Variants in C1orf174 observed in about 807,000 individuals in gnomAD.
C1orf174 encodes the protein chromosome 1 open reading frame 174.
Under a neutral mutation model 18.4 loss-of-function variants are expected in C1orf174, and 13 were observed. The observed-to-expected ratio is 0.71, with a 90% CI of 0.46 to 1.12. The LOEUF is 1.12. Among genes scored for constraint, C1orf174 ranks in the 50% most tolerant of loss-of-function variants. The pLI, the probability that C1orf174 is intolerant of heterozygous loss-of-function variation, is 0.00. For missense variants in C1orf174, 309 were observed against 308.0 expected, an observed-to-expected ratio of 1.00 and a Z score of -0.02; for synonymous variants, 100 against 118.3, an observed-to-expected ratio of 0.85 and a Z score of 1.01.
rs558252738 is a variant in C1orf174, at chr1:3,898,741, G to A, written c.15+1431C>T. ...AAAAAGCAATTGTATACAGTAATATGTGTATAATATATACAGACATGTACT... is the reference window on the plus strand; with the variant it reads ...AAAAAGCAATTGTATACAGTAATATATGTATAATATATACAGACATGTACT... On this transcript the variant is annotated intron_variant, in intron 1 of 3. Transcript: ENST00000361605. 5.9e-5 allele frequency among the ~76,000 whole-genome samples: 9 copies of A among 152,234 alleles called. No individual in the cohort carries two copies. In the South Asian group the frequency reaches 1.0e-3, roughly 18 times the overall value.
intron 1 of C1orf174, among the ~76,000 whole-genome samples, chr1:3,897,554 C>T (rs1264353675): frequency 6.6e-6 from 1 of 152,110 alleles, no homozygotes; most frequent in Non-Finnish European, 1.5e-5. Flanking sequence ...CACTAACATA[C>T]ACAAAATAAG....
At chr1:3,891,204 C>T in intron 2 of C1orf174, 147 bp from the exon 3 acceptor site, 2 of 1,025,974 alleles carry the variant, frequency 1.9e-6, no homozygotes, top group Non-Finnish European at 2.8e-6. Flanking sequence ...ACTGTTTTGC[C>T]ACCAAGGGAC....
chr1:3,891,582 C>A (rs1638515816), intron 2 of C1orf174: 23 of 987,968 alleles, frequency 2.3e-5, no homozygotes, highest in Non-Finnish European at 2.5e-5. Flanking sequence ...ATGGCCAAGT[C>A]CTAACCCCTC....
intron 1 of C1orf174, among the ~76,000 whole-genome samples, chr1:3,896,557 A>G (rs1459001095): frequency 1.3e-5 from 2 of 152,252 alleles, no homozygotes; most frequent in African/African-American, 2.4e-5. Flanking sequence ...ATTCCCTGCC[A>G]TGGAATGTGG....
At chr1:3,896,554 G>A (rs962392310) in intron 1 of C1orf174, among the ~76,000 whole-genome samples, 2 of 152,204 alleles carry the variant, frequency 1.3e-5, no homozygotes, top group African/African-American at 2.4e-5. Flanking sequence ...CAAATTCCCT[G>A]CCATGGAATG....
chr1:3,894,571 C>T (rs1638571843), intron 1 of C1orf174, among the ~76,000 whole-genome samples: 1 of 145,018 alleles, frequency 6.9e-6, no homozygotes, highest in African/African-American at 2.6e-5. Context: ...TGCGCCACCG[C>T]ACTCCAGCCT....
chr1:3,889,780 T>C lies in C1orf174; in HGVS notation c.*180A>G. On this transcript the variant is annotated 3_prime_UTR_variant, in exon 4 of 4. Coordinates refer to ENST00000361605, the MANE Select transcript of C1orf174 (RefSeq NM_207356.3). ...ACCTCAAAGATGGTTTGAGTTTTAG[T>C]TCCCATGAGTACATCCTCCACAGGT... The C allele has an allele frequency of 1.5e-6, 1 of 645,492 alleles. No homozygotes were observed. The highest frequency in any genetic ancestry group is 2.8e-6 in the Non-Finnish European group (1 of 360,338). The allele number at this position is 645,492 out of a possible 1,614,324, so 40.0% of individuals were successfully genotyped here. A position where few individuals can be genotyped will look rare whatever the true frequency, so the allele number is the denominator to read the frequency against.
Position 3,890,643 on chromosome 1 carries a change from T to C in C1orf174, c.544A>G (p.Ser182Gly), listed in dbSNP as rs1055842545. ...VQKPPLQMDN[S>G]VFLDDDSNQP... ...TTGCTGTCGTCATCTAGAAAGACGC[T>C]GTTGTCCATCTGAAGTGGTGGCTTC... Residue 182 changes from serine to glycine, a missense_variant, in exon 3 of 4, where the codon AGC (serine) becomes GGC (glycine). Physicochemically the swap from Ser to Gly is moderately conservative, Grantham distance 56 (BLOSUM62 0). Transcript: ENST00000361605. The C allele has an allele frequency of 1.7e-5, 27 of 1,614,060 alleles. No individual in the cohort carries two copies. Among genetic ancestry groups the C allele is most frequent in the Non-Finnish European group, 2.3e-5 (27 of 1,180,012 alleles).
Position 3,892,998 on chromosome 1 carries a change from TAG to T in C1orf174, c.16-4_16-3del, listed in dbSNP as rs767343362. 15 of 1,613,520 alleles carry T rather than the reference TAG, an allele frequency of 9.3e-6. No homozygotes were observed. The highest frequency in any genetic ancestry group is 3.3e-4 in the Middle Eastern group (2 of 6,082). ...TGAAGACCGCACTGCACCTGTGAGC[TAG>T]AGAGATTGAGAGCCACTCAGAGAGT... is the stretch of plus-strand genomic sequence containing the variant. On this transcript the variant is annotated splice_region_variant and splice_polypyrimidine_tract_variant and intron_variant, in intron 1 of 3. Coordinates refer to ENST00000361605, the MANE Select transcript of C1orf174 (RefSeq NM_207356.3).
At chr1:3,891,808 C>T (rs1638522018) in intron 2 of C1orf174, 1 of 986,310 alleles carries the variant, frequency 1.0e-6, no homozygotes, top group Non-Finnish European at 1.2e-6. Context: ...GCACAAGTGG[C>T]CTCAGAGCCT....
intron 1 of C1orf174, among the ~76,000 whole-genome samples, chr1:3,896,424 C>G (rs1434385293): frequency 1.3e-5 from 2 of 152,236 alleles, no homozygotes; most frequent in Non-Finnish European, 2.9e-5. Context: ...CTAGCTCCCC[C>G]AGCCCCTATT....
intron 1 of C1orf174, among the ~76,000 whole-genome samples, chr1:3,899,633 C>A (rs928263563): frequency 5.9e-5 from 9 of 152,238 alleles, no homozygotes; most frequent in African/African-American, 1.9e-4. Context: ...TTGAGGGGCA[C>A]AAACTCAGCT....
At position 3,889,775 on chromosome 1, in the gene C1orf174, T is replaced by TTTAG. The variant is rs1419178762; in HGVS notation, c.*181_*184dup. On this transcript the variant is annotated 3_prime_UTR_variant, in exon 4 of 4. Coordinates refer to ENST00000361605, the MANE Select transcript of C1orf174 (RefSeq NM_207356.3). ...TTGCAACCTCAAAGATGGTTTGAGT[T>TTTAG]TTAGTTCCCATGAGTACATCCTCCA... 1.4e-5 allele frequency: 9 copies of TTTAG among 639,212 alleles called. No homozygotes were observed. The highest frequency in any genetic ancestry group is 3.6e-5 in the African/African-American group (2 of 55,252). The allele number at this position is 639,212 out of a possible 1,614,324, so 39.6% of individuals were successfully genotyped here.
chr1:3,895,985 G>C (rs1638599849), intron 1 of C1orf174: 1 of 152,638 alleles, frequency 6.6e-6, no homozygotes, highest in African/African-American at 2.4e-5. Context: ...GGTCCTATGG[G>C]CACCCAGCAA....
intron 1 of C1orf174, among the ~76,000 whole-genome samples, chr1:3,893,716 G>A (rs72849327): frequency 0.069 from 10,518 of 152,126 alleles, 818 homozygotes; most frequent in African/African-American, 0.19. Flanking sequence ...GCAATACAGC[G>A]AAAGCCCATC....
chr1:3,894,161 G>A (rs1039897080), intron 1 of C1orf174, among the ~76,000 whole-genome samples: 3 of 152,154 alleles, frequency 2.0e-5, no homozygotes, highest in African/African-American at 7.2e-5. Context: ...ACAAACAGGA[G>A]CAATGCAGGT....
In C1orf174 at chr1:3,900,225, C is replaced by A; in HGVS notation, c.-39G>T. On this transcript the variant is annotated 5_prime_UTR_variant, in exon 1 of 4. Coordinates refer to ENST00000361605, the MANE Select transcript of C1orf174 (RefSeq NM_207356.3). ...GCAGCCAAGCACCGCGCGCCCCGGCCAACGCGTCCCGGCGGAGCGGCGACC... is the reference window on the plus strand; with the variant it reads ...GCAGCCAAGCACCGCGCGCCCCGGCAAACGCGTCCCGGCGGAGCGGCGACC... 6.4e-7 allele frequency: 1 copy of A among 1,555,120 alleles called. No individual in the cohort carries two copies. The highest frequency in any genetic ancestry group is 1.2e-5 in the South Asian group (1 of 85,944).
rs999764633 is a variant in C1orf174, at chr1:3,894,425, G to C, written c.16-1429C>G. Among the ~76,000 whole-genome samples the C allele has an allele frequency of 3.9e-5, 6 of 152,086 alleles. 1 individual carries two copies. The South Asian group carries it at 1.2e-3, about 32-fold the overall frequency. On this transcript the variant is annotated intron_variant, in intron 1 of 3. Transcript: ENST00000361605. ...GATCGAGACCATCCCGGCTAACACA[G>C]TGAAACCCCGTCTCTACTAAAAATA...
In C1orf174 at chr1:3,890,079, T is replaced by C; in HGVS notation, c.619-6A>G. The stretch of plus-strand genomic sequence containing the variant: ...GAAGACGCAGGTGGGAGGTCCTTAG[T>C]GGAGAAGAAAACATGACTTCAGTCA... On this transcript the variant is annotated splice_region_variant and splice_polypyrimidine_tract_variant and intron_variant, in intron 3 of 3. Coordinates refer to ENST00000361605, the MANE Select transcript of C1orf174 (RefSeq NM_207356.3). 3 of 1,611,260 alleles carry C rather than the reference T, an allele frequency of 1.9e-6. No homozygotes were observed. The highest frequency in any genetic ancestry group is 2.5e-6 in the Non-Finnish European group (3 of 1,177,638).
Sources: allele counts gnomAD v4.1 joint callset (sites outside exome capture counted in the v4.1 genomes callset), GRCh38; gene constraint gnomAD v4.1.1; transcripts MANE v1.5; gene names NCBI Gene and HGNC (gene_info 2026-07-23, HGNC 2026-07-21).